AGBL1: variants seen among roughly 807,000 people sequenced by gnomAD.
AGBL1 encodes the protein cytosolic carboxypeptidase 4.
In AGBL1, 130 loss-of-function variants were observed where a neutral mutation model predicts 118.9. That is an observed-to-expected ratio of 1.09 (90% CI 0.95 to 1.26). The LOEUF (loss-of-function observed/expected upper bound fraction) is 1.26. Among genes scored for constraint, AGBL1 ranks in the 50% most tolerant of loss-of-function variants. The probability of loss-of-function intolerance (pLI) is 0.00; values close to 1 mark genes in which losing one functional copy is unlikely to be tolerated. For missense variants in AGBL1, 1,584 were observed against 1,298.1 expected (o/e 1.22, Z -3.38); for synonymous variants, 555 against 478.9 (o/e 1.16, Z -2.08).
chr15:86,556,176 T>C (rs755078876), intron 21 of AGBL1: 4 of 1,510,660 alleles, frequency 2.6e-6, no homozygotes, highest in African/African-American at 1.4e-5. Context: ...TGTTTGAAAA[T>C]GAAATGACTC....
intron 5 of AGBL1, among the ~76,000 whole-genome samples, chr15:86,218,464 C>T (rs1191162282): frequency 1.3e-5 from 2 of 152,158 alleles, no homozygotes; most frequent in Non-Finnish European, 2.9e-5. Flanking sequence ...TGCCATGATC[C>T]TCACCTCCTG....
chr15:87,003,464 T>C (rs2081462739), intron 24 of AGBL1, among the ~76,000 whole-genome samples: 1 of 152,130 alleles, frequency 6.6e-6, no homozygotes, highest in South Asian at 2.1e-4. Flanking sequence ...TCTGCCAGGC[T>C]TTGGTATCGT....
intron 21 of AGBL1, among the ~76,000 whole-genome samples, chr15:86,605,398 A>C (rs996261804): frequency 2.0e-5 from 3 of 152,110 alleles, no homozygotes; most frequent in African/African-American, 4.8e-5. Flanking sequence ...CTTTCTTCTC[A>C]ATCTAGTTCT....
intron 21 of AGBL1, among the ~76,000 whole-genome samples, chr15:86,658,951 A>C (rs771662164): frequency 1.3e-5 from 2 of 152,208 alleles, no homozygotes; most frequent in Non-Finnish European, 2.9e-5. Context: ...TGGAGGTTAT[A>C]GTAACGGTCC....
intron 18 of AGBL1, among the ~76,000 whole-genome samples, chr15:86,490,137 C>T (rs2082761190): frequency 6.6e-6 from 1 of 152,170 alleles, no homozygotes; most frequent in Admixed American, 6.6e-5. Flanking sequence ...GCCATCTTAG[C>T]CTTCTTCCTT....
intron 23 of AGBL1, among the ~76,000 whole-genome samples, chr15:86,961,139 T>C (rs2080988745): frequency 6.6e-6 from 1 of 152,084 alleles, no homozygotes; most frequent in Admixed American, 6.6e-5. Flanking sequence ...AATAGACATG[T>C]TAATTAGCTT....
intron 1 of AGBL1, among the ~76,000 whole-genome samples, chr15:86,130,245 A>T (rs999213400): frequency 6.6e-6 from 1 of 152,142 alleles, no homozygotes; most frequent in South Asian, 2.1e-4. Context: ...ATGAACATAC[A>T]CTACCACTTT....
At chr15:86,106,149 C>T (rs116394372) in intron 1 of AGBL1, among the ~76,000 whole-genome samples, 59 of 152,272 alleles carry the variant, frequency 3.9e-4, no homozygotes, top group African/African-American at 1.4e-3. Flanking sequence ...ACCTAGTATG[C>T]TGTTGTATTT....
chr15:86,820,138 A>T (rs1367048262), intron 22 of AGBL1, among the ~76,000 whole-genome samples: 1 of 152,230 alleles, frequency 6.6e-6, no homozygotes, highest in Admixed American at 6.6e-5. Context: ...TACAAAAATT[A>T]ACTCAAGATG....
chr15:86,486,384 G>T (rs1476939987), intron 18 of AGBL1, among the ~76,000 whole-genome samples: 4 of 152,058 alleles, frequency 2.6e-5, no homozygotes, highest in African/African-American at 4.8e-5. Flanking sequence ...ATCCCACTGT[G>T]CCAATCCCTA....
Position 86,269,932 on chromosome 15 carries a change from T to C in AGBL1, c.1852T>C (p.Leu618=). The C allele has an allele frequency of 6.2e-7, 1 of 1,613,824 alleles. No individual in the cohort carries two copies. The highest frequency in any genetic ancestry group is 1.3e-5 in the African/African-American group (1 of 75,050). Reference sequence around the variant, plus strand: ...TCTGATCTGCAGGTTCGAGTATGACTTGCTGGTCAACGCAGATGTGAATAG... The same window carrying C: ...TCTGATCTGCAGGTTCGAGTATGACCTGCTGGTCAACGCAGATGTGAATAG... The part of the protein sequence containing the change: ...AIQVREFEYD[L]LVNADVNSTQ... Residue 618 remains leucine (L), a synonymous_variant, in exon 14 of 23, where the codon TTG becomes CTG. Coordinates refer to ENST00000614907, the MANE Select transcript of AGBL1 (RefSeq NM_001386094.1).
At chr15:86,703,853 C>G (rs1036151721) in intron 22 of AGBL1, among the ~76,000 whole-genome samples, 2 of 151,970 alleles carry the variant, frequency 1.3e-5, no homozygotes, top group Non-Finnish European at 2.9e-5. Context: ...TTTTTTAGAA[C>G]AAAACTGGAG....
chr15:86,723,150 C>G (rs1261188747), intron 22 of AGBL1, among the ~76,000 whole-genome samples: 1 of 152,180 alleles, frequency 6.6e-6, no homozygotes, highest in Non-Finnish European at 1.5e-5. Flanking sequence ...CATCCCATTA[C>G]TGAGTGTATG....
intron 24 of AGBL1, among the ~76,000 whole-genome samples, chr15:87,008,586 A>T (rs1054482020): frequency 6.6e-6 from 1 of 152,216 alleles, no homozygotes; most frequent in Admixed American, 6.5e-5. Context: ...ATTTGGAAGC[A>T]AATTTGGAAC....
chr15:86,581,456 G>T (rs1287333710), intron 21 of AGBL1, among the ~76,000 whole-genome samples: 1 of 152,100 alleles, frequency 6.6e-6, no homozygotes, highest in African/African-American at 2.4e-5. Context: ...CAAAGGATGG[G>T]TTGTTTATTT....
At chr15:86,426,127 T>C (rs1217846530) in intron 18 of AGBL1, among the ~76,000 whole-genome samples, 1 of 152,102 alleles carries the variant, frequency 6.6e-6, no homozygotes, top group African/African-American at 2.4e-5. Context: ...GGAACCAATA[T>C]AGAAATGAAG....
intron 24 of AGBL1, among the ~76,000 whole-genome samples, chr15:87,010,906 C>G (rs1396706824): frequency 2.0e-5 from 3 of 152,184 alleles, no homozygotes; most frequent in African/African-American, 4.8e-5. Flanking sequence ...GATTCCATCT[C>G]TGGAAAATCC....
At chr15:86,768,182 A>C (rs146536349) in intron 22 of AGBL1, among the ~76,000 whole-genome samples, 6 of 152,062 alleles carry the variant, frequency 3.9e-5, no homozygotes, top group African/African-American at 1.4e-4. Flanking sequence ...ATTTGCTCGC[A>C]AATTTTATTC....
chr15:86,188,655 T>C (rs1173085929), intron 5 of AGBL1, among the ~76,000 whole-genome samples: 1 of 152,192 alleles, frequency 6.6e-6, no homozygotes, highest in Non-Finnish European at 1.5e-5. Context: ...CCTGGTCACT[T>C]TGAAGTTTCC....
Sources: allele counts gnomAD v4.1 joint callset (sites outside exome capture counted in the v4.1 genomes callset), GRCh38; gene constraint gnomAD v4.1.1; transcripts MANE v1.5; gene names NCBI Gene and HGNC (gene_info 2026-07-23, HGNC 2026-07-21).